The following SPECC1 variants were observed in gnomAD, a reference collection of about 807,000 sequenced individuals.
SPECC1 encodes cytospin-B.
Under a neutral mutation model 104.1 loss-of-function variants are expected in SPECC1, and 62 were observed. That is an observed-to-expected ratio of 0.60 (90% CI 0.49 to 0.74). SPECC1 has a LOEUF of 0.74. SPECC1 is among the 30% of genes least tolerant of loss of function. The pLI is 0.00. For missense variants in SPECC1, 1,306 were observed against 1,310.5 expected (o/e 1.00, Z 0.05); for synonymous variants, 513 against 501.6 (o/e 1.02, Z -0.30).
At chr17:20,093,354 A>C (rs2047488570) in intron 1 of SPECC1, among the ~76,000 whole-genome samples, 1 of 152,108 alleles carries the variant, frequency 6.6e-6, no homozygotes, top group Non-Finnish European at 1.5e-5. Flanking sequence ...TAATACCACA[A>C]TGGGGGTTAG....
chr17:20,156,358 G>A, intron 3 of SPECC1: 1 of 1,115,222 alleles, frequency 9.0e-7, no homozygotes, highest in South Asian at 3.7e-5. Flanking sequence ...AGGTCCTGGG[G>A]TGTGATTCTT....
chr17:20,217,160 T>C (rs2037544648), intron 4 of SPECC1, among the ~76,000 whole-genome samples: 2 of 152,170 alleles, frequency 1.3e-5, no homozygotes, highest in Non-Finnish European at 2.9e-5. Flanking sequence ...CTCCCTCTCT[T>C]CATATGTTAT....
At chr17:20,185,745 C>A (rs1227487995) in intron 3 of SPECC1, among the ~76,000 whole-genome samples, 2 of 152,238 alleles carry the variant, frequency 1.3e-5, no homozygotes, top group South Asian at 2.1e-4. Flanking sequence ...CTCCACTACT[C>A]CTTGCACCCA....
chr17:20,161,875 A>C (rs1303427338), intron 3 of SPECC1, among the ~76,000 whole-genome samples: 1 of 151,192 alleles, frequency 6.6e-6, no homozygotes, highest in African/African-American at 2.4e-5. Flanking sequence ...GCTCCCTGCA[A>C]CTTCTGCCTC....
Position 20,183,367 on chromosome 17 carries a change from C to T in SPECC1, c.284-20966C>T, listed in dbSNP as rs1001026601. On this transcript the variant is annotated intron_variant, in intron 3 of 14. Coordinates refer to ENST00000395527, the MANE Select transcript of SPECC1 (RefSeq NM_001243439.2). ...GAATCCAGGAATTCTGTCTTGTAGA[C>T]ATAAAAGCACAAGTACATACTTAAC... Among the ~76,000 whole-genome samples, 9 of 152,258 alleles carry T rather than the reference C, an allele frequency of 5.9e-5. No individual in the cohort carries two copies. The East Asian group carries it at 1.7e-3, about 29-fold the overall frequency.
chr17:20,033,861 G>C (rs1287087046), intron 1 of SPECC1, among the ~76,000 whole-genome samples: 1 of 152,138 alleles, frequency 6.6e-6, no homozygotes, highest in African/African-American at 2.4e-5. Flanking sequence ...AACCCCTTAT[G>C]TTGCTCCTCA....
intron 9 of SPECC1, among the ~76,000 whole-genome samples, chr17:20,249,005 C>T (rs890559233): frequency 2.0e-5 from 3 of 152,062 alleles, no homozygotes; most frequent in Non-Finnish European, 4.4e-5. Context: ...GATATTCTTC[C>T]CCTATCTTAA....
chr17:20,217,576 A>G (rs1421077919), intron 4 of SPECC1, among the ~76,000 whole-genome samples: 2 of 152,120 alleles, frequency 1.3e-5, no homozygotes, highest in Admixed American at 1.3e-4. Flanking sequence ...GCATGTTTCT[A>G]GACTCCAGGT....
intron 1 of SPECC1, among the ~76,000 whole-genome samples, chr17:20,050,311 T>A (rs962653374): frequency 1.3e-5 from 2 of 152,196 alleles, no homozygotes. Flanking sequence ...TCCTGATGCC[T>A]ATCCTGCTGT....
At chr17:20,060,217 A>C (rs149360464) in intron 1 of SPECC1, among the ~76,000 whole-genome samples, 220 of 152,262 alleles carry the variant, frequency 1.4e-3, no homozygotes, top group African/African-American at 5.2e-3. Flanking sequence ...AATGAAGTGC[A>C]TCAGTTTTGC....
chr17:20,110,680 C>A, intron 3 of SPECC1, 118 bp downstream of exon 3: 1 of 1,248,640 alleles, frequency 8.0e-7, no homozygotes, highest in Non-Finnish European at 1.1e-6. Flanking sequence ...GACCACTTAC[C>A]CTGGGCCGGA....
intron 4 of SPECC1, among the ~76,000 whole-genome samples, chr17:20,212,353 A>G (rs913960145): frequency 5.9e-5 from 9 of 152,166 alleles, no homozygotes; most frequent in African/African-American, 2.2e-4. Flanking sequence ...GCCCGTTTTC[A>G]TGCTGCTGAT....
At chr17:20,086,713 A>G (rs1028880437) in intron 1 of SPECC1, among the ~76,000 whole-genome samples, 1 of 152,014 alleles carries the variant, frequency 6.6e-6, no homozygotes, top group Non-Finnish European at 1.5e-5. Context: ...CTCTCCATCC[A>G]TGGGTGGGGG....
chr17:20,138,567 T>G (rs2030330255), intron 3 of SPECC1, among the ~76,000 whole-genome samples: 1 of 152,220 alleles, frequency 6.6e-6, no homozygotes, highest in Non-Finnish European at 1.5e-5. Context: ...ACTGATCTTT[T>G]TACTGTCCCA....
chr17:20,037,134 TTGCGTTTC>T (rs1340211725), intron 1 of SPECC1, among the ~76,000 whole-genome samples: 3 of 152,324 alleles, frequency 2.0e-5, no homozygotes, highest in African/African-American at 7.2e-5. Flanking sequence ...TGAACCAGAC[TTGCGTTTC>T]TGGAATAAGT....
At chr17:20,082,686 A>G (rs995008520) in intron 1 of SPECC1, among the ~76,000 whole-genome samples, 1 of 152,130 alleles carries the variant, frequency 6.6e-6, no homozygotes, top group Non-Finnish European at 1.5e-5. Flanking sequence ...CTTTTCTTAT[A>G]TGGACATCAG....
At chr17:20,010,071 G>A (rs993672046) in intron 1 of SPECC1, 7 of 152,160 alleles carry the variant, frequency 4.6e-5, no homozygotes, top group African/African-American at 1.2e-4. Context: ...CCGGTGGTGC[G>A]GACCTGCGGG....
At chr17:20,118,572 A>G (rs2048875962) in intron 3 of SPECC1, among the ~76,000 whole-genome samples, 1 of 152,206 alleles carries the variant, frequency 6.6e-6, no homozygotes, top group African/African-American at 2.4e-5. Flanking sequence ...TGCATATGGT[A>G]TAACCTTAAT....
chr17:20,298,948 A>AGAGAGAGAGAGAGAGTGTGTGTGTGTGT, intron 13 of SPECC1, among the ~76,000 whole-genome samples: 5 of 49,062 alleles, frequency 1.0e-4, no homozygotes, highest in African/African-American at 1.9e-4. Context: ...AGAGAGAGAG[A>AGAGAGAGAGAGAGAGTGTGTGTGTGTGT]GTGTGTGTGT....
Sources: gnomAD v4.1 joint callset for allele counts (sites outside exome capture counted in the v4.1 genomes callset) on GRCh38, gnomAD v4.1.1 for gene constraint, MANE v1.5 for transcripts, NCBI Gene and HGNC (gene_info 2026-07-23, HGNC 2026-07-21) for gene names.